The following PDE1A variants were observed in gnomAD, a reference collection of about 807,000 sequenced individuals.
PDE1A encodes the protein phosphodiesterase 1A, also known as dual specificity calcium/calmodulin-dependent 3',5'-cyclic nucleotide phosphodiesterase 1A.
A neutral mutation model predicts 61.7 loss-of-function variants in PDE1A; 35 were observed. The observed-to-expected ratio is 0.57, with a 90% confidence interval of 0.43 to 0.75. PDE1A has a LOEUF of 0.75. Ranked by LOEUF, PDE1A falls within the 30% of genes least tolerant of loss-of-function variation. The probability of loss-of-function intolerance (pLI) is 0.00; values close to 1 mark genes in which losing one functional copy is unlikely to be tolerated. For missense variants in PDE1A, 597 were observed against 630.6 expected (o/e 0.95, Z 0.57); for synonymous variants, 232 against 213.2 (o/e 1.09, Z -0.77).
intron 10 of PDE1A, among the ~76,000 whole-genome samples, chr2:182,197,390 G>A (rs1028884537): frequency 1.3e-5 from 2 of 151,424 alleles, no homozygotes; most frequent in East Asian, 3.9e-4. Context: ...AAGATCAGAA[G>A]TTTTGAGTTT....
chr2:182,261,625 C>T (rs1162646288), intron 2 of PDE1A, among the ~76,000 whole-genome samples: 2 of 151,932 alleles, frequency 1.3e-5, no homozygotes, highest in Non-Finnish European at 2.9e-5. Context: ...CTCTTTTCCC[C>T]GCAAAAGAGC....
the PDE1A span, among the ~76,000 whole-genome samples, chr2:182,711,212 T>C: frequency 2.0e-5 from 3 of 152,152 alleles, no homozygotes; most frequent in African/African-American, 7.2e-5. Context: ...ACAGAGCATC[T>C]GCTCAGGTGA....
chr2:182,650,000 G>A, the PDE1A span, among the ~76,000 whole-genome samples: 1 of 152,080 alleles, frequency 6.6e-6, no homozygotes, highest in Non-Finnish European at 1.5e-5. Flanking sequence ...GATCACTTGA[G>A]CCCAGGAGTT....
intron 1 of PDE1A, among the ~76,000 whole-genome samples, chr2:182,283,356 C>T (rs1693942482): frequency 6.6e-6 from 1 of 151,744 alleles, no homozygotes; most frequent in Admixed American, 6.6e-5. Context: ...TTGAATAGTC[C>T]ACCTTATCAA....
At chr2:182,210,433 T>A (rs1315880831) in intron 7 of PDE1A, among the ~76,000 whole-genome samples, 1 of 152,234 alleles carries the variant, frequency 6.6e-6, no homozygotes, top group East Asian at 1.9e-4. Context: ...ATATGCCTAT[T>A]TGCCATTTGT....
chr2:182,545,011 T>C, the PDE1A span, among the ~76,000 whole-genome samples: 1 of 152,238 alleles, frequency 6.6e-6, no homozygotes, highest in African/African-American at 2.4e-5. Context: ...ATACCGGTCT[T>C]ACTGGAAGTG....
At chr2:182,669,810 T>G in the PDE1A span, among the ~76,000 whole-genome samples, 1 of 152,294 alleles carries the variant, frequency 6.6e-6, no homozygotes, top group East Asian at 1.9e-4. Flanking sequence ...ACCCTGAAAA[T>G]GCTCCCATAT....
At chr2:182,486,962 C>T (rs1181581940) in intron 2 of PDE1A, among the ~76,000 whole-genome samples, 2 of 151,896 alleles carry the variant, frequency 1.3e-5, no homozygotes, top group African/African-American at 2.4e-5. Flanking sequence ...TCAAAAGATG[C>T]CATTAAGAAA....
chr2:182,469,164 T>C (rs1686866443), intron 2 of PDE1A, among the ~76,000 whole-genome samples: 1 of 151,966 alleles, frequency 6.6e-6, no homozygotes, highest in African/African-American at 2.4e-5. Context: ...AAGTCAGGCA[T>C]TGACTTTTCT....
At chr2:182,408,181 C>A (rs1408726206) in intron 1 of PDE1A, among the ~76,000 whole-genome samples, 657 of 115,698 alleles carry the variant, frequency 5.7e-3, no homozygotes, top group South Asian at 7.5e-3. Flanking sequence ...AAGTATCTGC[C>A]AAAAAAAAAA....
At chr2:182,154,690 T>C (rs1004682398) in intron 13 of PDE1A, among the ~76,000 whole-genome samples, 1 of 152,200 alleles carries the variant, frequency 6.6e-6, no homozygotes, top group Non-Finnish European at 1.5e-5. Context: ...TGATGCCTCC[T>C]CAGACATGTG....
intron 2 of PDE1A, among the ~76,000 whole-genome samples, chr2:182,456,214 G>A (rs1685909665): frequency 6.6e-6 from 1 of 151,968 alleles, no homozygotes; most frequent in Admixed American, 6.6e-5. Flanking sequence ...CACTTTACCA[G>A]GGAACTTATC....
intron 6 of PDE1A, among the ~76,000 whole-genome samples, chr2:182,227,971 T>C (rs761806903): frequency 6.6e-6 from 1 of 152,152 alleles, no homozygotes; most frequent in Non-Finnish European, 1.5e-5. Flanking sequence ...CTCTCCTCCT[T>C]CTACTCTTAG....
chr2:182,659,424 A>G, the PDE1A span, among the ~76,000 whole-genome samples: 1 of 152,256 alleles, frequency 6.6e-6, no homozygotes, highest in African/African-American at 2.4e-5. Context: ...ATGATAGGGC[A>G]TAATAGAAAT....
At chr2:182,560,974 T>A in the PDE1A span, among the ~76,000 whole-genome samples, 103,048 of 149,094 alleles carry the variant, frequency 0.69, 39,592 homozygotes, top group East Asian at 0.99. Context: ...TCAGATGAGT[T>A]GGTTGCGAAA....
intron 4 of PDE1A, among the ~76,000 whole-genome samples, chr2:182,232,190 A>T (rs1433781073): frequency 6.6e-6 from 1 of 152,068 alleles, no homozygotes; most frequent in African/African-American, 2.4e-5. Flanking sequence ...AGTACCCCCT[A>T]ACAGAGAGAG....
At chr2:182,600,694 C>T in the PDE1A span, among the ~76,000 whole-genome samples, 1 of 152,212 alleles carries the variant, frequency 6.6e-6, no homozygotes. Context: ...CATTGAAATA[C>T]ATGTCCCCTA....
intron 1 of PDE1A, among the ~76,000 whole-genome samples, chr2:182,404,450 GTTTC>G (rs1172519676): frequency 6.6e-6 from 1 of 152,092 alleles, no homozygotes; most frequent in Non-Finnish European, 1.5e-5. Context: ...TTTTTTAAAT[GTTTC>G]TTTCTTCAAT....
the PDE1A span, among the ~76,000 whole-genome samples, chr2:182,580,620 T>C: frequency 1.3e-5 from 2 of 152,118 alleles, no homozygotes; most frequent in East Asian, 3.9e-4. Flanking sequence ...TTGAGAAAGA[T>C]TTTACTATAA....
Sources: allele counts gnomAD v4.1 joint callset (sites outside exome capture counted in the v4.1 genomes callset), GRCh38; gene constraint gnomAD v4.1.1; transcripts MANE v1.5; gene names NCBI Gene and HGNC (gene_info 2026-07-23, HGNC 2026-07-21).